The following FAM13C variants were observed in gnomAD, a reference collection of about 807,000 sequenced individuals.
FAM13C encodes the protein protein FAM13C.
FAM13C carries 37 observed loss-of-function variants against 73.2 expected under a neutral mutation model. That is an observed-to-expected ratio of 0.51 (90% CI 0.39 to 0.67). The LOEUF (loss-of-function observed/expected upper bound fraction) is 0.67. Among genes scored for constraint, FAM13C ranks in the 30% least tolerant of loss-of-function variants. The probability of loss-of-function intolerance (pLI) is 0.00; values close to 1 mark genes in which losing one functional copy is unlikely to be tolerated. For synonymous variants in FAM13C, 246 were observed against 260.9 expected, an observed-to-expected ratio of 0.94 and a Z score of 0.55; for missense variants, 589 against 715.6, an observed-to-expected ratio of 0.82 and a Z score of 2.02.
At chr10:59,336,512 G>C (rs1033232264) in intron 3 of FAM13C, among the ~76,000 whole-genome samples, 1 of 152,112 alleles carries the variant, frequency 6.6e-6, no homozygotes, top group Non-Finnish European at 1.5e-5. Flanking sequence ...TGACTTCTTG[G>C]CTTCTTCTCT....
chr10:59,313,095 G>A (rs1039220162), intron 4 of FAM13C, among the ~76,000 whole-genome samples: 1 of 152,158 alleles, frequency 6.6e-6, no homozygotes, highest in Non-Finnish European at 1.5e-5. Flanking sequence ...TCTCCCTGAA[G>A]TCAAAACTTG....
At chr10:59,282,054 A>G (rs965586403) in intron 6 of FAM13C, 3 of 152,194 alleles carry the variant, frequency 2.0e-5, no homozygotes, top group African/African-American at 4.8e-5. Context: ...TTTATTTGCC[A>G]CTCATCCAAA....
chr10:59,333,723 T>C (rs1369395556), intron 3 of FAM13C, among the ~76,000 whole-genome samples: 1 of 152,188 alleles, frequency 6.6e-6, no homozygotes, highest in Non-Finnish European at 1.5e-5. Context: ...TTGTTTTATT[T>C]AGTTTAGCAA....
In FAM13C at chr10:59,293,199, G is replaced by A. The variant is rs1285818353; in HGVS notation, c.507+9602C>T. On this transcript the variant is annotated intron_variant, in intron 5 of 13. Coordinates refer to ENST00000618804, the MANE Select transcript of FAM13C (RefSeq NM_198215.4). ...CGCCATTCTCCTGCCTCAGCCTCCT[G>A]AGTAGCTGGGACTACAGGCGCCCAC... Among the ~76,000 whole-genome samples, 14 of 143,830 alleles carry A rather than the reference G, an allele frequency of 9.7e-5. No individual in the cohort carries two copies. The South Asian group carries it at 2.5e-3, about 26-fold the overall frequency. 94.4% of individuals were successfully genotyped at this position (143,830 alleles called of 152,430 possible). A position where few individuals can be genotyped will look rare whatever the true frequency, so the allele number is the denominator to read the frequency against.
rs1324274727 is a variant in FAM13C at position 59,290,076 on chromosome 10, T to C, written c.508-6629A>G. Among the ~76,000 whole-genome samples the C allele has an allele frequency of 3.3e-5, 5 of 152,328 alleles. No individual in the cohort carries two copies. In the East Asian group the frequency reaches 9.6e-4, roughly 29 times the overall value. On this transcript the variant is annotated intron_variant, in intron 5 of 13. Coordinates refer to ENST00000618804, the MANE Select transcript of FAM13C (RefSeq NM_198215.4). ...CAGAGAGAAGTCTGTGAAACGTAGG[T>C]GTGGTTTTCTTTAAAAAGCTAATTT...
intron 9 of FAM13C, 116 bp downstream of exon 9, chr10:59,263,969 A>C (rs1019242410): frequency 1.1e-6 from 1 of 925,594 alleles, no homozygotes; most frequent in Non-Finnish European, 1.8e-6. Flanking sequence ...CAGTCTAAGC[A>C]GAAAACAAGG....
intron 5 of FAM13C, among the ~76,000 whole-genome samples, chr10:59,284,656 C>T (rs914198918): frequency 1.3e-5 from 2 of 150,994 alleles, no homozygotes; most frequent in Non-Finnish European, 3.0e-5. Context: ...CTCATACCTA[C>T]CCTCACCTCC....
chr10:59,345,187 C>T (rs1854137232), intron 3 of FAM13C, among the ~76,000 whole-genome samples: 2 of 152,110 alleles, frequency 1.3e-5, no homozygotes, highest in African/African-American at 4.8e-5. Context: ...TTGCCATCCT[C>T]CATTGCTATA....
chr10:59,249,143 G>A (rs1450952483), intron 13 of FAM13C, among the ~76,000 whole-genome samples: 1 of 152,038 alleles, frequency 6.6e-6, no homozygotes, highest in African/African-American at 2.4e-5. Flanking sequence ...AGTGGCTCAC[G>A]CCTGTAATCC....
rs1840726668 is a variant in FAM13C at position 59,246,573 on chromosome 10, G to A, written c.*1041C>T. ...TTACAAAAATGAAAATAATAAACATGTTTTCGTATAAAATAACACAAAATG... is the reference window on the plus strand; with the variant it reads ...TTACAAAAATGAAAATAATAAACATATTTTCGTATAAAATAACACAAAATG... On this transcript the variant is annotated 3_prime_UTR_variant, in exon 14 of 14. Transcript: ENST00000618804. 2.5e-6 allele frequency: 1 copy of A among 396,826 alleles called. No homozygotes were observed. Among genetic ancestry groups the A allele is most frequent in the Non-Finnish European group, 4.5e-6 (1 of 224,554 alleles). The allele number at this position is 396,826 out of a possible 1,614,324, so 24.6% of individuals were successfully genotyped here.
intron 1 of FAM13C, chr10:59,360,907 C>G: frequency 2.3e-6 from 1 of 440,852 alleles, no homozygotes; most frequent in Non-Finnish European, 4.1e-6. Flanking sequence ...AGCTAAGTGT[C>G]TCCATTTTGA....
chr10:59,320,505 G>C (rs963529827), intron 4 of FAM13C, among the ~76,000 whole-genome samples: 1 of 152,192 alleles, frequency 6.6e-6, no homozygotes, highest in Non-Finnish European at 1.5e-5. Flanking sequence ...AAGACATTAG[G>C]ACAAGGGTTC....
chr10:59,317,604 T>C (rs1238322842), intron 4 of FAM13C, among the ~76,000 whole-genome samples: 2 of 152,124 alleles, frequency 1.3e-5, no homozygotes, highest in Non-Finnish European at 2.9e-5. Context: ...TTGTGATAAT[T>C]AACCTACTGC....
At chr10:59,256,822 C>T (rs1036983893) in intron 10 of FAM13C, among the ~76,000 whole-genome samples, 1 of 152,198 alleles carries the variant, frequency 6.6e-6, no homozygotes, top group Admixed American at 6.5e-5. Flanking sequence ...ATACATTAGA[C>T]TTTCCTGTTA....
At chr10:59,349,495 G>C (rs966304281) in intron 3 of FAM13C, among the ~76,000 whole-genome samples, 3 of 152,188 alleles carry the variant, frequency 2.0e-5, no homozygotes, top group African/African-American at 7.2e-5. Context: ...CTGAGGCTGG[G>C]TGTAGTGGCT....
chr10:59,277,571 A>G (rs534149096), intron 6 of FAM13C, among the ~76,000 whole-genome samples: 2 of 152,322 alleles, frequency 1.3e-5, no homozygotes, highest in African/African-American at 4.8e-5. Flanking sequence ...AAAGAGGCAC[A>G]GGGACCTAGA....
intron 3 of FAM13C, among the ~76,000 whole-genome samples, chr10:59,326,091 G>T (rs942059095): frequency 2.0e-5 from 3 of 151,940 alleles, no homozygotes; most frequent in Non-Finnish European, 4.4e-5. Flanking sequence ...ATCTTCAAAA[G>T]TTGAGAAGGG....
chr10:59,314,268 T>C (rs1849269141), intron 4 of FAM13C, among the ~76,000 whole-genome samples: 1 of 152,192 alleles, frequency 6.6e-6, no homozygotes. Flanking sequence ...TCCTCTCTTA[T>C]GGAATAGCAA....
At chr10:59,311,177 C>T (rs1848875292) in intron 4 of FAM13C, among the ~76,000 whole-genome samples, 2 of 152,152 alleles carry the variant, frequency 1.3e-5, no homozygotes, top group African/African-American at 4.8e-5. Context: ...GGAACAGACA[C>T]CAGAAGCAGC....
Sources: gnomAD v4.1 joint callset for allele counts (sites outside exome capture counted in the v4.1 genomes callset) on GRCh38, gnomAD v4.1.1 for gene constraint, MANE v1.5 for transcripts, NCBI Gene and HGNC (gene_info 2026-07-23, HGNC 2026-07-21) for gene names.